Variants in TUBGCP2 observed in about 807,000 individuals in gnomAD.
The protein encoded by TUBGCP2 is tubulin gamma complex component 2.
Under a neutral mutation model 92.2 loss-of-function variants are expected in TUBGCP2, and 55 were observed. That is an observed-to-expected ratio of 0.60 (90% confidence interval 0.48 to 0.75). The LOEUF is 0.75. Among genes scored for constraint, TUBGCP2 ranks in the 30% least tolerant of loss-of-function variants. The pLI is 0.00. For missense variants in TUBGCP2, 1,093 were observed against 1,188.9 expected, an observed-to-expected ratio of 0.92 and a Z score of 1.19; for synonymous variants, 533 against 505.2, an observed-to-expected ratio of 1.06 and a Z score of -0.74.
chr10:133,308,981 C>T (rs1356699533), upstream of TUBGCP2: 4 of 1,244,764 alleles, frequency 3.2e-6, no homozygotes, highest in Non-Finnish European at 4.1e-6. Context: ...CGCCTCGCTG[C>T]GGGGCCCGGG....
intron 8 of TUBGCP2, among the ~76,000 whole-genome samples, chr10:133,292,037 G>GTGTCCCTCCGTGTCCCCCA (rs1353789692): frequency 2.5e-4 from 2 of 7,896 alleles, no homozygotes; most frequent in Non-Finnish European, 5.6e-4. Flanking sequence ...GTGTCCCTCC[G>GTGTCCCTCCGTGTCCCCCA]TGTCCCTCCG....
upstream of TUBGCP2, chr10:133,311,506 CAG>C (rs1208881175): frequency 1.2e-5 from 6 of 515,658 alleles, no homozygotes; most frequent in South Asian, 1.6e-4. Context: ...TTATAAGATG[CAG>C]ACTCTATTAT....
chr10:133,284,933 G>A, intron 13 of TUBGCP2, 152 bp downstream of exon 13: 1 of 1,190,470 alleles, frequency 8.4e-7, no homozygotes, highest in East Asian at 2.5e-5. Context: ...AAGCATTATG[G>A]ATCTAAAGCC....
intron 1 of TUBGCP2, among the ~76,000 whole-genome samples, chr10:133,308,090 C>A (rs1367831278): frequency 2.6e-5 from 4 of 152,210 alleles, no homozygotes; most frequent in Non-Finnish European, 5.9e-5. Flanking sequence ...TGCACTCCAG[C>A]CTGGGTGACA....
chr10:133,308,721 A>C, intron 1 of TUBGCP2, 102 bp downstream of exon 1: 8 of 304,116 alleles, frequency 2.6e-5, no homozygotes, highest in East Asian at 5.3e-5. Context: ...GCGCGCGGGA[A>C]GAGCCGCGTC....
Position 133,288,899 on chromosome 10 carries a change from GTAGT to G in TUBGCP2, c.1478_1481del (p.Asn493ThrfsTer10), listed in dbSNP as rs779521450. 7 of 1,614,046 alleles carry G rather than the reference GTAGT, an allele frequency of 4.3e-6. No individual in the cohort carries two copies. Among genetic ancestry groups the G allele is most frequent in the Non-Finnish European group, 5.9e-6 (7 of 1,179,998 alleles). Reference sequence around the variant, plus strand: ...GGAAGTCCAGCAGCACCTTGCTGGCGTAGTTAAACGCCTTCTCGATCTGCTCCAC... The same window carrying G: ...GGAAGTCCAGCAGCACCTTGCTGGCGTAAACGCCTTCTCGATCTGCTCCAC... On this transcript the variant is annotated frameshift_variant, in exon 10 of 18. Coordinates refer to ENST00000252936, the MANE Select transcript of TUBGCP2 (RefSeq NM_006659.4). LOFTEE classifies it high-confidence loss of function.
intron 1 of TUBGCP2, among the ~76,000 whole-genome samples, chr10:133,307,060 G>A (rs1216904344): frequency 1.3e-5 from 2 of 152,334 alleles, no homozygotes; most frequent in African/African-American, 2.4e-5. Context: ...GGCGGGGGAT[G>A]CTAATCATCA....
chr10:133,303,353 C>T (rs1488971417), intron 1 of TUBGCP2, among the ~76,000 whole-genome samples: 2 of 152,260 alleles, frequency 1.3e-5, no homozygotes, highest in East Asian at 1.9e-4. Flanking sequence ...GATTCACCTG[C>T]CTCCAGCTTC....
intron 7 of TUBGCP2, 112 bp downstream of exon 7, chr10:133,292,927 C>T (rs549622217): frequency 4.9e-4 from 634 of 1,301,910 alleles, no homozygotes; most frequent in Non-Finnish European, 6.5e-4. Context: ...GGCCACACGC[C>T]CCTGCCCTGG....
In TUBGCP2 at chr10:133,287,124, C is replaced by A. The variant is rs1847151903; in HGVS notation, c.1722+1005G>T. 2.0e-5 allele frequency among the ~76,000 whole-genome samples: 3 copies of A among 152,342 alleles called. No individual in the cohort carries two copies. In the Middle Eastern group the frequency reaches 0.01, roughly 518 times the overall value. On this transcript the variant is annotated intron_variant, in intron 11 of 17. Coordinates refer to ENST00000252936, the MANE Select transcript of TUBGCP2 (RefSeq NM_006659.4). ...ATCAGAAAAAGAAGGGATATAACTA[C>A]TAATCTTACAGAAATAAAAAGCAGA...
At chr10:133,301,705 T>C (rs1847660194) in intron 2 of TUBGCP2, 1 of 118,660 alleles carries the variant, frequency 8.4e-6, no homozygotes, top group South Asian at 3.2e-4. Context: ...CCTCCCTTTT[T>C]TTTTTTTTTT....
chr10:133,285,089 G>A lies in TUBGCP2; in HGVS notation c.2020C>T (p.Gln674Ter). The A allele has an allele frequency of 6.2e-7, 1 of 1,605,656 alleles. No homozygotes were observed. Among genetic ancestry groups the A allele is most frequent in the Non-Finnish European group, 8.5e-7 (1 of 1,174,196 alleles). The change falls in exon 13 of 18, where the codon CAG becomes TAG. Residue 674 changes from glutamine to a stop codon, truncating the protein, a stop_gained. Transcript: ENST00000252936. LOFTEE classifies it high-confidence loss of function. This position sits in a 1 kb window ranked among gnomAD's most constrained non-coding sequence, Gnocchi z 6.8. ...GGGGGCAGAGGAAGAACGCACCACTGGGCGGAGTGCAGCGAGTGCTGCTTG... is the reference window on the plus strand; with the variant it reads ...GGGGGCAGAGGAAGAACGCACCACTAGGCGGAGTGCAGCGAGTGCTGCTTG... ...TAKQHSLHSA[Q>*]WFAGAFTLRQ...
At chr10:133,287,187 G>A (rs1295074930) in intron 11 of TUBGCP2, among the ~76,000 whole-genome samples, 1 of 152,194 alleles carries the variant, frequency 6.6e-6, no homozygotes, top group Non-Finnish European at 1.5e-5. Context: ...GACAAGATGC[G>A]AGACAGACAG....
At chr10:133,309,696 C>G, upstream of TUBGCP2, 1 of 1,540,434 alleles carries the variant, frequency 6.5e-7, no homozygotes, top group Non-Finnish European at 8.9e-7. Context: ...TATTGGACGT[C>G]TCAAAGGGAA....
upstream of TUBGCP2, chr10:133,310,104 G>A (rs979239044): frequency 5.6e-6 from 9 of 1,611,984 alleles, no homozygotes; most frequent in Non-Finnish European, 5.9e-6. Flanking sequence ...CTCTGCTACG[G>A]GGGCATGGCG....
At chr10:133,296,492 T>G (rs1184282085) in intron 5 of TUBGCP2, among the ~76,000 whole-genome samples, 3 of 152,066 alleles carry the variant, frequency 2.0e-5, no homozygotes, top group Admixed American at 2.0e-4. Context: ...GTTTTTTTTT[T>G]TTTGAAACAG....
chr10:133,283,125 A>C lies in TUBGCP2; in HGVS notation c.2242T>G (p.Phe748Val), dbSNP rs1330258038. The change falls in exon 15 of 18, where the codon TTC (phenylalanine) becomes GTC (valine). Residue 748 changes from phenylalanine (F) to valine (V), a missense_variant. Physicochemically the swap from Phe to Val is conservative, Grantham distance 50 (BLOSUM62 -1). This residue lies in a region of TUBGCP2 where 598 missense variants were observed against 675.5 expected (regional missense o/e 0.89). Coordinates refer to ENST00000252936, the MANE Select transcript of TUBGCP2 (RefSeq NM_006659.4). The stretch of plus-strand genomic sequence containing the variant: ...ACGCACACAGACATGAGCTTGGAGA[A>C]GACCTTCAGCAGCTCGGGGTTGGTG... Reference protein sequence around the residue: ...MLTNPELLKVFSKLMSVCVMF... With the variant: ...MLTNPELLKVVSKLMSVCVMF... 1.9e-6 allele frequency: 3 copies of C among 1,614,260 alleles called. No individual in the cohort carries two copies. Among genetic ancestry groups the C allele is most frequent in the Admixed American group, 1.7e-5 (1 of 60,034 alleles).
chr10:133,282,772 T>C (rs1174344224), intron 15 of TUBGCP2, among the ~76,000 whole-genome samples: 2 of 152,052 alleles, frequency 1.3e-5, no homozygotes, highest in East Asian at 3.9e-4. Flanking sequence ...CGGAATCAAA[T>C]AGCTCAAGTG....
rs774361344 is a variant in TUBGCP2 at position 133,288,178 on chromosome 10, G to A, written c.1673C>T (p.Ala558Val). 9.9e-6 allele frequency: 16 copies of A among 1,613,744 alleles called. No homozygotes were observed. The highest frequency in any genetic ancestry group is 4.5e-5 in the East Asian group (2 of 44,894). Residue 558 changes from alanine (A) to valine (V), a missense_variant, in exon 11 of 18, where the codon GCG becomes GTG. Ala to Val is a moderately conservative substitution (Grantham distance 64). Transcript: ENST00000252936. ...PPRLEALLELALRMSTANTDP... is the reference protein window; with the variant it reads ...PPRLEALLELVLRMSTANTDP... ...AGTGTTGGCCGTGCTCATGCGCAGC[G>A]CCAGCTCCAGGAGCGCTTCCAGGCG...
Sources: allele counts gnomAD v4.1 joint callset (sites outside exome capture counted in the v4.1 genomes callset), GRCh38; gene constraint gnomAD v4.1.1; regional missense constraint gnomAD v4.1.1; non-coding constraint Gnocchi (gnomAD v3.1); transcripts MANE v1.5; gene names NCBI Gene and HGNC (gene_info 2026-07-23, HGNC 2026-07-21).